CNTNAP5: variants seen among roughly 807,000 people sequenced by gnomAD.
CNTNAP5 encodes contactin-associated protein-like 5.
A neutral mutation model predicts 150.2 loss-of-function variants in CNTNAP5; 72 were observed. The ratio of observed to expected loss-of-function variants is 0.48; its 90% CI spans 0.40 to 0.58. The LOEUF (loss-of-function observed/expected upper bound fraction) is 0.58, where lower values mean the gene tolerates loss of function less well. Ranked by LOEUF, CNTNAP5 falls within the 20% of genes least tolerant of loss-of-function variation. CNTNAP5 has a pLI of 0.00. For synonymous variants in CNTNAP5, 672 were observed against 619.8 expected, an observed-to-expected ratio of 1.08 and a Z score of -1.25; for missense variants, 1,636 against 1,626.2, an observed-to-expected ratio of 1.01 and a Z score of -0.10.
intron 5 of CNTNAP5, among the ~76,000 whole-genome samples, chr2:124,439,966 G>T (rs548747135): frequency 6.6e-6 from 1 of 152,258 alleles, no homozygotes; most frequent in East Asian, 1.9e-4. Context: ...GATACAGATA[G>T]TAAGAGCGTA....
intron 1 of CNTNAP5, among the ~76,000 whole-genome samples, chr2:124,200,082 A>G (rs1477476239): frequency 1.3e-5 from 2 of 152,178 alleles, no homozygotes; most frequent in Non-Finnish European, 2.9e-5. Flanking sequence ...CATTTCATCA[A>G]TAAGGGGAAT....
At chr2:124,206,584 A>G (rs1685868561) in intron 1 of CNTNAP5, among the ~76,000 whole-genome samples, 1 of 152,144 alleles carries the variant, frequency 6.6e-6, no homozygotes, top group African/African-American at 2.4e-5. Context: ...AGTTGCATGA[A>G]GTAGTAAGAT....
intron 7 of CNTNAP5, among the ~76,000 whole-genome samples, chr2:124,480,804 A>G (rs1037872020): frequency 1.3e-5 from 2 of 152,160 alleles, no homozygotes; most frequent in African/African-American, 4.8e-5. Flanking sequence ...TCGGACATCC[A>G]CATCACCTGC....
In CNTNAP5 at chr2:124,217,813, C is replaced by T. The variant is rs368775256; in HGVS notation, c.83-3892C>T. Among the ~76,000 whole-genome samples, 73 of 152,252 alleles carry T rather than the reference C, an allele frequency of 4.8e-4. No individual in the cohort carries two copies. The East Asian group carries it at 0.014, about 28-fold the overall frequency. ...TACGGGCTTTATACTTAAAAGGGGA[C>T]ATTTTCCCATCTATTCTTATTCCAT... On this transcript the variant is annotated intron_variant, in intron 1 of 23. Transcript: ENST00000682447.
intron 3 of CNTNAP5, among the ~76,000 whole-genome samples, chr2:124,259,379 G>A (rs1239353137): frequency 6.6e-6 from 1 of 152,124 alleles, no homozygotes; most frequent in African/African-American, 2.4e-5. Flanking sequence ...ACCCAGTAAT[G>A]GGATGGCTGT....
At chr2:124,259,161 T>G (rs1387487690) in intron 3 of CNTNAP5, among the ~76,000 whole-genome samples, 1 of 152,136 alleles carries the variant, frequency 6.6e-6, no homozygotes, top group Non-Finnish European at 1.5e-5. Context: ...TCCAGCTTCA[T>G]CCATGTCCCT....
chr2:124,551,055 G>A (rs1330977746), intron 10 of CNTNAP5, among the ~76,000 whole-genome samples: 9 of 152,154 alleles, frequency 5.9e-5, no homozygotes, highest in African/African-American at 2.2e-4. Flanking sequence ...GTAGAGTAGA[G>A]AGAGGACCTT....
chr2:124,571,618 C>T lies in CNTNAP5; in HGVS notation c.1756+8295C>T, dbSNP rs189274403. On this transcript the variant is annotated intron_variant, in intron 11 of 23. Transcript: ENST00000682447. The stretch of plus-strand genomic sequence containing the variant: ...TGCGATCTTGGCTCACTGCAACCTC[C>T]GCTTCCCAGGTTCAAGCGATTCTCC... Among the ~76,000 whole-genome samples, 1,090 of 135,084 alleles carry T rather than the reference C, an allele frequency of 8.1e-3. 5 individuals carry two copies. Among genetic ancestry groups the T allele is most frequent in the Non-Finnish European group, 0.011 (705 of 64,908 alleles). 88.6% of individuals were successfully genotyped at this position (135,084 alleles called of 152,430 possible).
chr2:124,592,425 T>TA (rs1215395521), intron 11 of CNTNAP5, among the ~76,000 whole-genome samples: 119 of 151,228 alleles, frequency 7.9e-4, no homozygotes, highest in Non-Finnish European at 1.3e-3. Flanking sequence ...GGACAAATAT[T>TA]TATATATAAT....
At chr2:124,442,986 A>G (rs922203561) in intron 5 of CNTNAP5, among the ~76,000 whole-genome samples, 1 of 152,144 alleles carries the variant, frequency 6.6e-6, no homozygotes, top group Non-Finnish European at 1.5e-5. Flanking sequence ...CTAGGCATTT[A>G]AATAGTCATG....
chr2:124,092,036 A>G (rs930595970), intron 1 of CNTNAP5, among the ~76,000 whole-genome samples: 2 of 152,110 alleles, frequency 1.3e-5, no homozygotes, highest in Non-Finnish European at 2.9e-5. Context: ...AATTCTCCAC[A>G]CCACTTCTGG....
At chr2:124,053,451 G>A (rs1305126793) in intron 1 of CNTNAP5, among the ~76,000 whole-genome samples, 1 of 152,206 alleles carries the variant, frequency 6.6e-6, no homozygotes, top group Non-Finnish European at 1.5e-5. Context: ...TCTGTCTTGA[G>A]ACAGGTAAAG....
intron 3 of CNTNAP5, among the ~76,000 whole-genome samples, chr2:124,289,280 A>T (rs1161844147): frequency 6.6e-6 from 1 of 152,232 alleles, no homozygotes; most frequent in Non-Finnish European, 1.5e-5. Context: ...GTATTGCTCT[A>T]ATAAAGATTG....
chr2:124,033,103 G>C (rs1681109417), intron 1 of CNTNAP5, among the ~76,000 whole-genome samples: 1 of 152,092 alleles, frequency 6.6e-6, no homozygotes, highest in Non-Finnish European at 1.5e-5. Flanking sequence ...TTGATTTGCT[G>C]GCGTAAATTC....
At chr2:124,671,827 A>G (rs891020244) in intron 13 of CNTNAP5, among the ~76,000 whole-genome samples, 2 of 152,016 alleles carry the variant, frequency 1.3e-5, no homozygotes, top group Admixed American at 1.3e-4. Flanking sequence ...TTTAGTAGAG[A>G]CAGAGTTTCA....
At chr2:124,538,006 A>T (rs180851268) in intron 10 of CNTNAP5, among the ~76,000 whole-genome samples, 44 of 152,306 alleles carry the variant, frequency 2.9e-4, no homozygotes, top group African/African-American at 1.1e-3. Context: ...ATTGATGCTG[A>T]AAACGAAGCC....
At position 124,493,714 on chromosome 2, in the gene CNTNAP5, T is replaced by G. The variant is rs536197670; in HGVS notation, c.1063-10578T>G. Among the ~76,000 whole-genome samples the G allele has an allele frequency of 2.4e-3, 365 of 152,240 alleles. 2 individuals carry two copies. Among genetic ancestry groups the G allele is most frequent in the African/African-American group, 8.2e-3 (339 of 41,562 alleles). On this transcript the variant is annotated intron_variant, in intron 7 of 23. Transcript: ENST00000682447. ...TTCCTTCCTATGTTATAAATATTAC[T>G]GATTAAATTGAGAAGTTGACTTCTA... is the stretch of plus-strand genomic sequence containing the variant.
chr2:124,648,406 T>A (rs1201748945), intron 13 of CNTNAP5, among the ~76,000 whole-genome samples: 1 of 151,816 alleles, frequency 6.6e-6, no homozygotes, highest in Non-Finnish European at 1.5e-5. Flanking sequence ...CCTGGATGCC[T>A]AAGGGGGCAG....
chr2:124,691,902 C>G (rs1573550926), intron 13 of CNTNAP5, among the ~76,000 whole-genome samples: 1 of 152,128 alleles, frequency 6.6e-6, no homozygotes, highest in African/African-American at 2.4e-5. Context: ...TTTTCCTTCC[C>G]CATGAGCCTA....
Sources: gnomAD v4.1 joint callset for allele counts (sites outside exome capture counted in the v4.1 genomes callset) on GRCh38, gnomAD v4.1.1 for gene constraint, MANE v1.5 for transcripts, NCBI Gene and HGNC (gene_info 2026-07-23, HGNC 2026-07-21) for gene names.